The following FMO3 variants were observed in gnomAD, a reference collection of about 807,000 sequenced individuals.
The protein encoded by FMO3 is flavin-containing monooxygenase 3.
Under a neutral mutation model 39.4 loss-of-function variants are expected in FMO3, and 40 were observed. That is an observed-to-expected ratio of 1.02 (90% CI 0.79 to 1.32). FMO3 has a LOEUF of 1.32. Ranked by LOEUF, FMO3 falls within the 40% of genes most tolerant of loss-of-function variation. The probability of loss-of-function intolerance (pLI) is 0.00; values close to 1 mark genes in which losing one functional copy is unlikely to be tolerated. For synonymous variants in FMO3, 219 were observed against 228.8 expected, an observed-to-expected ratio of 0.96 and a Z score of 0.39; for missense variants, 680 against 651.8, an observed-to-expected ratio of 1.04 and a Z score of -0.47.
At position 171,114,338 on chromosome 1, in the gene FMO3, C is replaced by G. The variant is rs145526965; in HGVS notation, c.1159C>G (p.Arg387Gly). The G allele has an allele frequency of 4.3e-6, 7 of 1,613,454 alleles. No homozygotes were observed. The highest frequency in any genetic ancestry group is 5.9e-6 in the Non-Finnish European group (7 of 1,179,632). ...CATTCCCACAGTTGACCTCCAGTCC[C>G]GCTGGGCAGCACAAGTAATAAAGGG... is the stretch of plus-strand genomic sequence containing the variant. ...AAIPTVDLQS[R>G]WAAQVIKGTC... The change falls in exon 7 of 9, where the codon CGC (arginine) becomes GGC (glycine). Residue 387 changes from arginine (R) to glycine (G), a missense_variant. Transcript: ENST00000367755.
chr1:171,113,914 G>T, intron 6 of FMO3, 93 bp from the exon 7 acceptor site: 2 of 917,040 alleles, frequency 2.2e-6, no homozygotes, highest in Non-Finnish European at 1.6e-6. Flanking sequence ...AAAATCTTGG[G>T]TCATTTTTTC....
In FMO3 at chr1:171,108,203, C is replaced by G; in HGVS notation, c.609C>G (p.Leu203=). 2 of 1,613,806 alleles carry G rather than the reference C, an allele frequency of 1.2e-6. No homozygotes were observed. Among genetic ancestry groups the G allele is most frequent in the Non-Finnish European group, 8.5e-7 (1 of 1,179,868 alleles). ...CGGGCTGTGATATTGCCACAGAACTCAGCCGCACAGCAGAACAGGTACTAC... is the reference window on the plus strand; with the variant it reads ...CGGGCTGTGATATTGCCACAGAACTGAGCCGCACAGCAGAACAGGTACTAC... The part of the protein sequence containing the change: ...GNSGCDIATE[L]SRTAEQVMIS... The change falls in exon 5 of 9, where the codon CTC becomes CTG. Residue 203 remains leucine, a synonymous_variant. Transcript: ENST00000367755.
chr1:171,103,787 C>A lies in FMO3; in HGVS notation c.135C>A (p.Asp45Glu), dbSNP rs766109868. ...CATTTGATACTATACATTCACAGGA[C>A]CATGCAGAGGAGGGCAGGGCTAGCA... ...NDIGGLWKFS[D>E]HAEEGRASIY... Residue 45 changes from aspartate to glutamate, a missense_variant and splice_region_variant, in exon 3 of 9, where the codon GAC becomes GAA. Physicochemically the swap from Asp to Glu is conservative, Grantham distance 45. Transcript: ENST00000367755. 3.1e-6 allele frequency: 5 copies of A among 1,611,750 alleles called. No homozygotes were observed. The highest frequency in any genetic ancestry group is 4.2e-6 in the Non-Finnish European group (5 of 1,177,978).
At chr1:171,099,476 T>C (rs1383909612) in intron 2 of FMO3, among the ~76,000 whole-genome samples, 2 of 152,180 alleles carry the variant, frequency 1.3e-5, no homozygotes, top group Non-Finnish European at 2.9e-5. Context: ...TTTTGTTTCT[T>C]TGTGGCCAAA....
intron 2 of FMO3, chr1:171,101,256 G>A (rs1655373300): frequency 2.2e-6 from 1 of 455,916 alleles, no homozygotes; most frequent in Non-Finnish European, 4.4e-6. Flanking sequence ...CCCGACTGCT[G>A]ACTTCTAGAA....
chr1:171,117,602 T>C lies in FMO3; in HGVS notation c.*160T>C. Reference sequence around the variant, plus strand: ...GTAATACAGTGTTATTTCTAGGCTCTGAAATAGCCACTTTAAGAATCATGT... The same window carrying C: ...GTAATACAGTGTTATTTCTAGGCTCCGAAATAGCCACTTTAAGAATCATGT... On this transcript the variant is annotated 3_prime_UTR_variant, in exon 9 of 9. Transcript: ENST00000367755. 1 of 590,228 alleles carries C rather than the reference T, an allele frequency of 1.7e-6. No individual in the cohort carries two copies. The highest frequency in any genetic ancestry group is 3.0e-6 in the Non-Finnish European group (1 of 337,544). 36.6% of individuals were successfully genotyped at this position (590,228 alleles called of 1,614,324 possible). A position where few individuals can be genotyped will look rare whatever the true frequency, so the allele number is the denominator to read the frequency against.
intron 7 of FMO3, among the ~76,000 whole-genome samples, chr1:171,115,956 CTG>C (rs2101923837): frequency 6.6e-6 from 1 of 152,282 alleles, no homozygotes; most frequent in Admixed American, 6.5e-5. Context: ...TAAAATATGA[CTG>C]AGATTAAAAT....
intron 5 of FMO3, among the ~76,000 whole-genome samples, 184 bp from the exon 6 acceptor site, chr1:171,110,614 G>T (rs546918701): frequency 6.6e-6 from 1 of 152,274 alleles, no homozygotes; most frequent in African/African-American, 2.4e-5. Context: ...AGAAGATGTT[G>T]GGTGAGGCCC....
intron 7 of FMO3, among the ~76,000 whole-genome samples, chr1:171,114,859 G>T (rs1656072512): frequency 6.6e-6 from 1 of 152,224 alleles, no homozygotes; most frequent in Non-Finnish European, 1.5e-5. Flanking sequence ...AGGACAAACA[G>T]TGGATCAACA....
intron 6 of FMO3, among the ~76,000 whole-genome samples, chr1:171,112,526 A>G (rs1299187310): frequency 3.9e-5 from 6 of 152,198 alleles, no homozygotes; most frequent in Non-Finnish European, 7.3e-5. Flanking sequence ...TGGACTGGAT[A>G]GAGGATGAGA....
chr1:171,091,805 G>T (rs1403454809), intron 1 of FMO3, among the ~76,000 whole-genome samples: 2 of 151,970 alleles, frequency 1.3e-5, no homozygotes, highest in Non-Finnish European at 2.9e-5. Flanking sequence ...TGGGGAGAAG[G>T]GGTGACTACC....
In FMO3 at chr1:171,114,174, G is replaced by C. The variant is rs367932707; in HGVS notation, c.995G>C (p.Ser332Thr). The change falls in exon 7 of 9, where the codon AGT becomes ACT. Residue 332 changes from serine (S) to threonine (T), a missense_variant. Physicochemically the swap from Ser to Thr is moderately conservative, Grantham distance 58. Transcript: ENST00000367755. The part of the protein sequence containing the change: ...IDCVIFATGY[S>T]FAYPFLDESI... Reference sequence around the variant, plus strand: ...TGTGTAATCTTTGCAACAGGGTATAGTTTTGCCTACCCCTTCCTTGATGAG... The same window carrying C: ...TGTGTAATCTTTGCAACAGGGTATACTTTTGCCTACCCCTTCCTTGATGAG... 1 of 1,613,940 alleles carries C rather than the reference G, an allele frequency of 6.2e-7. No homozygotes were observed. The highest frequency in any genetic ancestry group is 8.5e-7 in the Non-Finnish European group (1 of 1,179,962).
At chr1:171,111,141 T>G (rs1348762550) in intron 6 of FMO3, 144 bp downstream of exon 6, 5 of 727,930 alleles carry the variant, frequency 6.9e-6, no homozygotes, top group Admixed American at 4.2e-5. Flanking sequence ...AAATTAAGAG[T>G]GATTTCCTAT....
chr1:171,104,423 A>C, intron 3 of FMO3, among the ~76,000 whole-genome samples: 1 of 152,216 alleles, frequency 6.6e-6, no homozygotes, highest in East Asian at 1.9e-4. Context: ...AGAAAATGAA[A>C]AAGTTTAAAA....
chr1:171,114,253 T>C lies in FMO3; in HGVS notation c.1074T>C (p.Pro358=). The C allele has an allele frequency of 6.2e-7, 1 of 1,613,966 alleles. No individual in the cohort carries two copies. Residue 358 remains proline (P), a synonymous_variant, in exon 7 of 9, where the codon CCT becomes CCC. Coordinates refer to ENST00000367755, the MANE Select transcript of FMO3 (RefSeq NM_001002294.3). The part of the protein sequence containing the change: ...NEIILFKGVF[P]PLLEKSTIAV... ...TCATTTTATTTAAAGGAGTATTTCC[T>C]CCTCTACTTGAGAAGTCAACCATAG...
At chr1:171,093,954 C>T (rs913500977) in intron 2 of FMO3, among the ~76,000 whole-genome samples, 2 of 150,522 alleles carry the variant, frequency 1.3e-5, no homozygotes, top group African/African-American at 2.4e-5. Flanking sequence ...CCTACCTCAG[C>T]CTCCCGAGTA....
chr1:171,116,707 A>G (rs2101924781), intron 8 of FMO3, among the ~76,000 whole-genome samples: 1 of 152,338 alleles, frequency 6.6e-6, no homozygotes, highest in South Asian at 2.1e-4. Context: ...GAAAAGTGAG[A>G]ATGAATCTGG....
chr1:171,098,350 G>T (rs923813736), intron 2 of FMO3, among the ~76,000 whole-genome samples: 1 of 152,110 alleles, frequency 6.6e-6, no homozygotes. Flanking sequence ...GCTTGATGGG[G>T]ATGGCATTGA....
intron 2 of FMO3, among the ~76,000 whole-genome samples, chr1:171,099,361 A>G (rs1047678537): frequency 6.6e-6 from 1 of 152,142 alleles, no homozygotes; most frequent in Non-Finnish European, 1.5e-5. Flanking sequence ...AAACCCCCCA[A>G]CATCTTATAC....
Sources: gnomAD v4.1 joint callset for allele counts (sites outside exome capture counted in the v4.1 genomes callset) on GRCh38, gnomAD v4.1.1 for gene constraint, MANE v1.5 for transcripts, NCBI Gene and HGNC (gene_info 2026-07-23, HGNC 2026-07-21) for gene names.